The following SDK1 variants were observed in gnomAD, a reference collection of about 807,000 sequenced individuals.
The protein encoded by SDK1 is protein sidekick-1.
A neutral mutation model predicts 245.5 loss-of-function variants in SDK1; 157 were observed. The observed-to-expected ratio is 0.64, with a 90% CI of 0.56 to 0.73. The LOEUF is 0.73. SDK1 is among the 30% of genes least tolerant of loss of function. The pLI is 0.00. For missense variants in SDK1, 3,583 were observed against 3,002.3 expected (o/e 1.19, Z -4.52); for synonymous variants, 1,647 against 1,278.5 (o/e 1.29, Z -6.15).
rs1029719827 is a variant in SDK1 at position 3,974,386 on chromosome 7, A to G, written c.1835A>G (p.Asp612Gly). 1.2e-5 allele frequency: 19 copies of G among 1,613,146 alleles called. No individual in the cohort carries two copies. Among genetic ancestry groups the G allele is most frequent in the Non-Finnish European group, 1.4e-5 (17 of 1,179,226 alleles). Residue 612 changes from aspartate (D) to glycine (G), a missense_variant, in exon 13 of 45, where the codon GAC (aspartate) becomes GGC (glycine). Coordinates refer to ENST00000404826, the MANE Select transcript of SDK1 (RefSeq NM_152744.4). ...GCCCACAGCTACGTTTGGAAGAAGG[A>G]CAACGTGGCCCTGACTCCATCGAGC... ...RVSLRYVWKK[D>G]NVALTPSSTS...
chr7:3,472,528 A>G (rs977162747), intron 1 of SDK1, among the ~76,000 whole-genome samples: 1 of 152,228 alleles, frequency 6.6e-6, no homozygotes. Flanking sequence ...TGAGATTATT[A>G]TGGGTGTATC....
intron 4 of SDK1, among the ~76,000 whole-genome samples, chr7:3,689,807 A>G (rs967349448): frequency 6.6e-6 from 1 of 152,174 alleles, no homozygotes; most frequent in African/African-American, 2.4e-5. Flanking sequence ...TCATAATTCT[A>G]AATTATTTTG....
chr7:4,028,792 G>T (rs1006334227), intron 17 of SDK1, among the ~76,000 whole-genome samples: 1 of 152,182 alleles, frequency 6.6e-6, no homozygotes, highest in Non-Finnish European at 1.5e-5. Context: ...ACGGGATTTT[G>T]TTGTGACTTG....
intron 30 of SDK1, among the ~76,000 whole-genome samples, chr7:4,155,601 ATAAG>A (rs889943584): frequency 3.9e-5 from 6 of 152,254 alleles, no homozygotes; most frequent in African/African-American, 1.4e-4. Context: ...AAATACATCA[ATAAG>A]TAAGCATAAT....
At chr7:3,625,490 A>G (rs1220651634) in intron 2 of SDK1, among the ~76,000 whole-genome samples, 2 of 152,162 alleles carry the variant, frequency 1.3e-5, no homozygotes, top group Non-Finnish European at 2.9e-5. Flanking sequence ...TCATCCCAGG[A>G]AGCAGGTGTA....
intron 1 of SDK1, among the ~76,000 whole-genome samples, chr7:3,505,524 G>T (rs1248755998): frequency 6.6e-6 from 1 of 152,102 alleles, no homozygotes; most frequent in East Asian, 1.9e-4. Flanking sequence ...GTGCTATGGT[G>T]ATAGGCATGA....
chr7:3,508,486 C>G (rs1554281874), intron 1 of SDK1, among the ~76,000 whole-genome samples: 1 of 151,940 alleles, frequency 6.6e-6, no homozygotes, highest in Non-Finnish European at 1.5e-5. Flanking sequence ...CGCCACCATG[C>G]CTGACTAATT....
At chr7:4,233,720 C>T (rs559851787) in intron 41 of SDK1, among the ~76,000 whole-genome samples, 378 of 152,236 alleles carry the variant, frequency 2.5e-3, no homozygotes, top group African/African-American at 8.8e-3. Flanking sequence ...GCCCAGGGAA[C>T]ATGTGGGTGG....
At chr7:3,847,836 A>G (rs545359044) in intron 5 of SDK1, among the ~76,000 whole-genome samples, 2 of 152,226 alleles carry the variant, frequency 1.3e-5, no homozygotes, top group African/African-American at 2.4e-5. Context: ...ACCATTTTCT[A>G]TTTCAAAAGT....
At chr7:3,406,260 T>C (rs1024401261) in intron 1 of SDK1, among the ~76,000 whole-genome samples, 2 of 152,248 alleles carry the variant, frequency 1.3e-5, no homozygotes, top group African/African-American at 4.8e-5. Context: ...TTTGGATGTG[T>C]ATATTACACT....
intron 1 of SDK1, among the ~76,000 whole-genome samples, chr7:3,463,226 G>C (rs1780888026): frequency 1.3e-5 from 2 of 152,088 alleles, no homozygotes; most frequent in South Asian, 2.1e-4. Context: ...AATTTTGTGA[G>C]GATTTGATTA....
chr7:4,025,792 C>T (rs1349654521), intron 17 of SDK1, among the ~76,000 whole-genome samples: 6 of 152,220 alleles, frequency 3.9e-5, no homozygotes, highest in Admixed American at 1.3e-4. Context: ...CATAGCCTGC[C>T]TTCTGCCCTG....
chr7:3,379,840 G>C (rs1469045929), intron 1 of SDK1, among the ~76,000 whole-genome samples: 2 of 152,108 alleles, frequency 1.3e-5, no homozygotes, highest in Non-Finnish European at 2.9e-5. Flanking sequence ...TGCTCAAACT[G>C]AGTGCTCATT....
intron 2 of SDK1, among the ~76,000 whole-genome samples, chr7:3,637,630 G>T (rs1408002678): frequency 2.0e-5 from 3 of 152,154 alleles, no homozygotes; most frequent in African/African-American, 7.2e-5. Flanking sequence ...CTAAGGCAAG[G>T]CTTTTATAGA....
intron 1 of SDK1, among the ~76,000 whole-genome samples, chr7:3,590,069 C>T (rs1024926874): frequency 2.6e-5 from 4 of 151,986 alleles, no homozygotes; most frequent in Admixed American, 6.6e-5. Context: ...AGTGTAAATA[C>T]GTATGTGTTA....
Position 4,241,923 on chromosome 7 carries a change from C to T in SDK1, c.6251+10C>T, listed in dbSNP as rs1379802529. On this transcript the variant is annotated intron_variant, in intron 43 of 44. Transcript: ENST00000404826. ...AGAAGAACGGGACCAGGTAGGCAGGCAGTGCTGTGCTGCGCCCACCTGGGG... is the reference window on the plus strand; with the variant it reads ...AGAAGAACGGGACCAGGTAGGCAGGTAGTGCTGTGCTGCGCCCACCTGGGG... 1.9e-6 allele frequency: 3 copies of T among 1,611,746 alleles called. No individual in the cohort carries two copies. The highest frequency in any genetic ancestry group is 1.1e-5 in the South Asian group (1 of 91,068).
chr7:3,579,563 C>T (rs1227731947), intron 1 of SDK1, among the ~76,000 whole-genome samples: 2 of 152,196 alleles, frequency 1.3e-5, no homozygotes, highest in East Asian at 3.8e-4. Context: ...CCATAGCCAA[C>T]ATCATATTGA....
chr7:4,017,535 G>A (rs940603300), intron 17 of SDK1, among the ~76,000 whole-genome samples, 183 bp downstream of exon 17: 8 of 152,152 alleles, frequency 5.3e-5, no homozygotes, highest in Admixed American at 2.6e-4. Flanking sequence ...AAACAGAACC[G>A]TAGACAGGAG....
chr7:3,753,930 A>G (rs1225096642), intron 4 of SDK1, among the ~76,000 whole-genome samples: 1 of 152,236 alleles, frequency 6.6e-6, no homozygotes, highest in African/African-American at 2.4e-5. Context: ...TTTTGAAGGA[A>G]AGTAGAATGA....
Sources: allele counts gnomAD v4.1 joint callset (sites outside exome capture counted in the v4.1 genomes callset), GRCh38; gene constraint gnomAD v4.1.1; transcripts MANE v1.5; gene names NCBI Gene and HGNC (gene_info 2026-07-23, HGNC 2026-07-21).